ACVR2B: variants seen among roughly 807,000 people sequenced by gnomAD.
ACVR2B encodes the protein activin A receptor type 2B.
ACVR2B carries 18 observed loss-of-function variants against 65.1 expected under a neutral mutation model. That is an observed-to-expected ratio of 0.28 (90% CI 0.19 to 0.41). ACVR2B has a LOEUF of 0.41. ACVR2B is among the 10% of genes least tolerant of loss of function. The probability of loss-of-function intolerance (pLI) is 1.00; values close to 1 mark genes in which losing one functional copy is unlikely to be tolerated. For synonymous variants in ACVR2B, 298 were observed against 277.7 expected, an observed-to-expected ratio of 1.07 and a Z score of -0.73; for missense variants, 482 against 682.7, an observed-to-expected ratio of 0.71 and a Z score of 3.28.
At position 38,454,455 on chromosome 3, in the gene ACVR2B, G is replaced by A. The variant is rs1031165721; in HGVS notation, c.52+81G>A. On this transcript the variant is annotated intron_variant, in intron 1 of 10. Coordinates refer to ENST00000352511, the MANE Select transcript of ACVR2B (RefSeq NM_001106.4). ...GCGCCGCGCGGTGTTTACCAACAAA[G>A]GGCGGGCCCGGGGCCTCGTCGCCGC... 5 of 1,148,850 alleles carry A rather than the reference G, an allele frequency of 4.4e-6. No homozygotes were observed. The African/African-American group carries it at 4.8e-5, about 11-fold the overall frequency. 71.2% of individuals were successfully genotyped at this position (1,148,850 alleles called of 1,614,324 possible).
Position 38,488,919 on chromosome 3 carries a change from T to A in ACVR2B, c.*5587T>A, listed in dbSNP as rs187415200. 19 of 152,360 alleles carry A rather than the reference T, an allele frequency of 1.2e-4. No individual in the cohort carries two copies. Among genetic ancestry groups the A allele is most frequent in the Non-Finnish European group, 2.2e-4 (15 of 68,038 alleles). 9.4% of individuals were successfully genotyped at this position (152,360 alleles called of 1,614,324 possible). On this transcript the variant is annotated 3_prime_UTR_variant, in exon 11 of 11. Transcript: ENST00000352511. The stretch of plus-strand genomic sequence containing the variant: ...CCAACCACAGGGCACTAAAGCAATG[T>A]ACACACCACTCTTTGTGTGTATGGA...
rs1243581873 is a variant in ACVR2B, at chr3:38,482,426, C to T, written c.1214-4C>T. 19 of 1,611,974 alleles carry T rather than the reference C, an allele frequency of 1.2e-5. No homozygotes were observed. The highest frequency in any genetic ancestry group is 1.5e-5 in the Non-Finnish European group (18 of 1,179,698). On this transcript the variant is annotated splice_polypyrimidine_tract_variant and splice_region_variant and intron_variant, in intron 9 of 10. Transcript: ENST00000352511. Reference sequence around the variant, plus strand: ...GATCCTGCCAGGCTCTCTCTTTCTCCTAGGACCCGTGGATGAGTACATGCT... The same window carrying T: ...GATCCTGCCAGGCTCTCTCTTTCTCTTAGGACCCGTGGATGAGTACATGCT...
chr3:38,488,139 C>T lies in ACVR2B; in HGVS notation c.*4807C>T, dbSNP rs1161842768. ...TTGCAAATTCTAAACTAATGAAATA[C>T]TTAGCAGCTAACATGTTCAATCTAG... On this transcript the variant is annotated 3_prime_UTR_variant, in exon 11 of 11. Transcript: ENST00000352511. 1 of 152,172 alleles carries T rather than the reference C, an allele frequency of 6.6e-6. No individual in the cohort carries two copies. Among genetic ancestry groups the T allele is most frequent in the Non-Finnish European group, 1.5e-5 (1 of 68,038 alleles). 9.4% of individuals were successfully genotyped at this position (152,172 alleles called of 1,614,324 possible). A position where few individuals can be genotyped will look rare whatever the true frequency, so the allele number is the denominator to read the frequency against.
At chr3:38,456,281 CCA>C (rs1254921003) in intron 1 of ACVR2B, among the ~76,000 whole-genome samples, 1 of 152,128 alleles carries the variant, frequency 6.6e-6, no homozygotes, top group East Asian at 1.9e-4. Flanking sequence ...TGCCCCAGGC[CCA>C]GTTTGGAGCA....
Position 38,492,785 on chromosome 3 carries a change from CA to C in ACVR2B, c.*9454del, listed in dbSNP as rs2059821843. On this transcript the variant is annotated 3_prime_UTR_variant, in exon 11 of 11. Coordinates refer to ENST00000352511, the MANE Select transcript of ACVR2B (RefSeq NM_001106.4). ...ACACACACACACACACACACACACA[CA>C]CACACACACACACACACATACACCT... 1.9e-4 allele frequency: 10 copies of C among 52,888 alleles called. No individual in the cohort carries two copies. Among genetic ancestry groups the C allele is most frequent in the South Asian group, 6.3e-4 (1 of 1,586 alleles). The allele number at this position is 52,888 out of a possible 1,614,324, so 3.3% of individuals were successfully genotyped here. A position where few individuals can be genotyped will look rare whatever the true frequency, so the allele number is the denominator to read the frequency against.
Position 38,491,828 on chromosome 3 carries a change from GA to G in ACVR2B, c.*8497del, listed in dbSNP as rs2059812482. Reference sequence around the variant, plus strand: ...GTTGAGTGGTACTTCAGAATTGAGGGAGAGGGTTACCGCAGAGTAGAAATAT... The same window carrying G: ...GTTGAGTGGTACTTCAGAATTGAGGGGAGGGTTACCGCAGAGTAGAAATAT... On this transcript the variant is annotated 3_prime_UTR_variant, in exon 11 of 11. Coordinates refer to ENST00000352511, the MANE Select transcript of ACVR2B (RefSeq NM_001106.4). 1 of 152,150 alleles carries G rather than the reference GA, an allele frequency of 6.6e-6. No individual in the cohort carries two copies. Among genetic ancestry groups the G allele is most frequent in the African/African-American group, 2.4e-5 (1 of 41,430 alleles). 9.4% of individuals were successfully genotyped at this position (152,150 alleles called of 1,614,324 possible). A position where few individuals can be genotyped will look rare whatever the true frequency, so the allele number is the denominator to read the frequency against.
At chr3:38,478,321 A>C in intron 4 of ACVR2B, 29 bp downstream of exon 4, 1 of 1,614,108 alleles carries the variant, frequency 6.2e-7, no homozygotes, top group Middle Eastern at 1.6e-4. Flanking sequence ...GGGGCAGGGC[A>C]GGATAGAGGT....
intron 1 of ACVR2B, 180 bp downstream of exon 1, chr3:38,454,554 G>A: frequency 4.4e-6 from 2 of 455,754 alleles, no homozygotes; most frequent in Non-Finnish European, 6.9e-6. Context: ...GCCGAACTTG[G>A]GGGCACGATC....
Position 38,485,704 on chromosome 3 carries a change from T to G in ACVR2B, c.*2372T>G, listed in dbSNP as rs1710108579. On this transcript the variant is annotated 3_prime_UTR_variant, in exon 11 of 11. Coordinates refer to ENST00000352511, the MANE Select transcript of ACVR2B (RefSeq NM_001106.4). ...TTTTTTTTTTTTTTTAATGGTTTGA[T>G]TTTGTGCTGTGGTATTTTTTTTCCC... 2.0e-5 allele frequency: 3 copies of G among 148,364 alleles called. No homozygotes were observed. Among genetic ancestry groups the G allele is most frequent in the Admixed American group, 1.4e-4 (2 of 14,642 alleles). The allele number at this position is 148,364 out of a possible 1,614,324, so 9.2% of individuals were successfully genotyped here. A position where few individuals can be genotyped will look rare whatever the true frequency, so the allele number is the denominator to read the frequency against.
intron 1 of ACVR2B, among the ~76,000 whole-genome samples, chr3:38,464,378 T>A (rs1709696417): frequency 6.6e-6 from 1 of 152,266 alleles, no homozygotes; most frequent in Non-Finnish European, 1.5e-5. Flanking sequence ...TGAAAATATG[T>A]CTAAAAGCTG....
rs757764446 is a variant in ACVR2B, at chr3:38,479,132, A to G, written c.671A>G (p.Lys224Arg). The G allele has an allele frequency of 2.5e-6, 4 of 1,614,152 alleles. No individual in the cohort carries two copies. The highest frequency in any genetic ancestry group is 1.7e-5 in the Admixed American group (1 of 60,030). ...ACCCCTCGCCCCCGGCCTCAGGACAAGCAGTCGTGGCAGAGTGAACGGGAG... is the reference window on the plus strand; with the variant it reads ...ACCCCTCGCCCCCGGCCTCAGGACAGGCAGTCGTGGCAGAGTGAACGGGAG... Reference protein sequence around the residue: ...VAVKIFPLQDKQSWQSEREIF... With the variant: ...VAVKIFPLQDRQSWQSEREIF... The change falls in exon 6 of 11, where the codon AAG becomes AGG. Residue 224 changes from lysine (K) to arginine (R), a missense_variant. Around this residue, in one of 5 missense-constraint regions of ACVR2B, gnomAD observed 223 missense variants for 386.3 expected, o/e 0.58. Coordinates refer to ENST00000352511, the MANE Select transcript of ACVR2B (RefSeq NM_001106.4).
intron 1 of ACVR2B, chr3:38,476,910 A>T: frequency 2.9e-6 from 1 of 348,204 alleles, no homozygotes; most frequent in Admixed American, 4.2e-5. Flanking sequence ...CTGCTGCAGC[A>T]GGGAAGTAGC....
At chr3:38,468,424 C>T (rs1265654518) in intron 1 of ACVR2B, among the ~76,000 whole-genome samples, 2 of 152,090 alleles carry the variant, frequency 1.3e-5, no homozygotes, top group Non-Finnish European at 2.9e-5. Flanking sequence ...TTCTGTATTC[C>T]TCCTGTTTCA....
chr3:38,486,046 C>G lies in ACVR2B; in HGVS notation c.*2714C>G, dbSNP rs1439392314. 6.6e-6 allele frequency: 1 copy of G among 152,524 alleles called. No homozygotes were observed. The highest frequency in any genetic ancestry group is 1.5e-5 in the Non-Finnish European group (1 of 68,106). 9.4% of individuals were successfully genotyped at this position (152,524 alleles called of 1,614,324 possible). On this transcript the variant is annotated 3_prime_UTR_variant, in exon 11 of 11. Coordinates refer to ENST00000352511, the MANE Select transcript of ACVR2B (RefSeq NM_001106.4). Reference sequence around the variant, plus strand: ...CTTGATTCTTGTGAGAAGTTTTGACCTGGCCAAGGGAGGGTTGAGCCATGG... The same window carrying G: ...CTTGATTCTTGTGAGAAGTTTTGACGTGGCCAAGGGAGGGTTGAGCCATGG...
At position 38,489,505 on chromosome 3, in the gene ACVR2B, A is replaced by C. The variant is rs76892072; in HGVS notation, c.*6173A>C. On this transcript the variant is annotated 3_prime_UTR_variant, in exon 11 of 11. Coordinates refer to ENST00000352511, the MANE Select transcript of ACVR2B (RefSeq NM_001106.4). ...TCAATTTGCGGGTCTTTTTTGGCCAAAACTCCACTTGTGGTTGTGTAGGAC... is the reference window on the plus strand; with the variant it reads ...TCAATTTGCGGGTCTTTTTTGGCCACAACTCCACTTGTGGTTGTGTAGGAC... The C allele has an allele frequency of 8.3e-3, 1,268 of 152,696 alleles. 11 individuals carry two copies. The highest frequency in any genetic ancestry group is 0.014 in the Non-Finnish European group (941 of 68,020). 9.5% of individuals were successfully genotyped at this position (152,696 alleles called of 1,614,324 possible).
Position 38,491,980 on chromosome 3 carries a change from A to G in ACVR2B, c.*8648A>G, listed in dbSNP as rs2059813920. Reference sequence around the variant, plus strand: ...CAAAGGCCAAGTTTTTCACCTGTTAATATTTTTCCACATTTGTCCTTGAAT... The same window carrying G: ...CAAAGGCCAAGTTTTTCACCTGTTAGTATTTTTCCACATTTGTCCTTGAAT... On this transcript the variant is annotated 3_prime_UTR_variant, in exon 11 of 11. Transcript: ENST00000352511. The G allele has an allele frequency of 6.6e-6, 1 of 152,210 alleles. No homozygotes were observed. Among genetic ancestry groups the G allele is most frequent in the African/African-American group, 2.4e-5 (1 of 41,458 alleles). 9.4% of individuals were successfully genotyped at this position (152,210 alleles called of 1,614,324 possible).
Position 38,481,531 on chromosome 3 carries a change from C to T in ACVR2B, c.1074+66C>T. On this transcript the variant is annotated intron_variant, in intron 8 of 10. Transcript: ENST00000352511. The surrounding 1 kb of genome is among the most constrained non-coding windows in gnomAD (Gnocchi z 4.7). ...GGGTAGATACTTTGCCCTTTTTGTG[C>T]TCAGCTGGGGAGGTGCAGGGATGAG... 1 of 1,351,126 alleles carries T rather than the reference C, an allele frequency of 7.4e-7. No homozygotes were observed. Among genetic ancestry groups the T allele is most frequent in the African/African-American group, 1.4e-5 (1 of 69,750 alleles). 83.7% of individuals were successfully genotyped at this position (1,351,126 alleles called of 1,614,324 possible).
chr3:38,492,333 G>A lies in ACVR2B; in HGVS notation c.*9001G>A, dbSNP rs1451172807. The A allele has an allele frequency of 6.6e-6, 1 of 152,552 alleles. No homozygotes were observed. Among genetic ancestry groups the A allele is most frequent in the Non-Finnish European group, 1.5e-5 (1 of 68,014 alleles). The allele number at this position is 152,552 out of a possible 1,614,324, so 9.4% of individuals were successfully genotyped here. A position where few individuals can be genotyped will look rare whatever the true frequency, so the allele number is the denominator to read the frequency against. On this transcript the variant is annotated 3_prime_UTR_variant, in exon 11 of 11. Transcript: ENST00000352511. ...CTTATTGAGCTGTGTTACCTAACTT[G>A]TATATAAAAATTGTAATTAAAAGTT... is the stretch of plus-strand genomic sequence containing the variant.
At chr3:38,454,461 GC>G (rs1709507184) in intron 1 of ACVR2B, 87 bp downstream of exon 1, 3 of 1,136,464 alleles carry the variant, frequency 2.6e-6, no homozygotes, top group African/African-American at 1.6e-5. Context: ...CAAAGGGCGG[GC>G]CCGGGGCCTC....
Sources: gnomAD v4.1 joint callset for allele counts (sites outside exome capture counted in the v4.1 genomes callset) on GRCh38, gnomAD v4.1.1 for gene constraint, gnomAD v4.1.1 regional missense constraint, Gnocchi (gnomAD v3.1) non-coding constraint, MANE v1.5 for transcripts, NCBI Gene and HGNC (gene_info 2026-07-23, HGNC 2026-07-21) for gene names.